Variants in IL16 observed in about 807,000 individuals in gnomAD.
IL16 encodes the protein interleukin 16.
Under a neutral mutation model 110.1 loss-of-function variants are expected in IL16, and 67 were observed. The observed-to-expected ratio is 0.61, with a 90% CI of 0.50 to 0.75. The LOEUF (loss-of-function observed/expected upper bound fraction) is 0.75, where lower values mean the gene tolerates loss of function less well. Ranked by LOEUF, IL16 falls within the 30% of genes least tolerant of loss-of-function variation. The pLI is 0.00. For missense variants in IL16, 1,545 were observed against 1,655.0 expected (o/e 0.93, Z 1.15); for synonymous variants, 689 against 662.9 (o/e 1.04, Z -0.61).
rs1315020562 is a variant in IL16 at position 81,299,413 on chromosome 15, T to C, written c.2087T>C (p.Leu696Pro). The change falls in exon 14 of 19, where the codon CTT becomes CCT. Residue 696 changes from leucine to proline, a missense_variant. By Grantham distance (98) the Leu-to-Pro change is moderately conservative (BLOSUM62 -3). Coordinates refer to ENST00000683961, the MANE Select transcript of IL16 (RefSeq NM_172217.5). ...ACATCCCCGATAAAACACCCACTGC[T>C]TAAGAGGCAGGCTCGGATGGACTAT... Reference protein sequence around the residue: ...TQTSPIKHPLLKRQARMDYSF... With the variant: ...TQTSPIKHPLPKRQARMDYSF... 1.2e-6 allele frequency: 2 copies of C among 1,614,000 alleles called. No homozygotes were observed. The highest frequency in any genetic ancestry group is 1.1e-5 in the South Asian group (1 of 91,088).
intron 14 of IL16, among the ~76,000 whole-genome samples, chr15:81,300,924 G>A (rs3858948): frequency 0.22 from 33,661 of 152,118 alleles, 3,799 homozygotes; most frequent in East Asian, 0.27. Flanking sequence ...CAACTCCCTC[G>A]TCAGGGAGTT....
intron 9 of IL16, among the ~76,000 whole-genome samples, chr15:81,283,075 C>G (rs571270350): frequency 6.6e-6 from 1 of 152,172 alleles, no homozygotes; most frequent in Admixed American, 6.5e-5. Flanking sequence ...CTAGCAGGAG[C>G]GGGGTGGACA....
In IL16 at chr15:81,310,743, A is replaced by G. The variant is rs886585015; in HGVS notation, c.*1945A>G. 2 of 152,210 alleles carry G rather than the reference A, an allele frequency of 1.3e-5. No homozygotes were observed. Among genetic ancestry groups the G allele is most frequent in the Non-Finnish European group, 2.9e-5 (2 of 68,090 alleles). The allele number at this position is 152,210 out of a possible 1,614,324, so 9.4% of individuals were successfully genotyped here. ...AGTCTTATCAAGCAGCCAAGGGATG[A>G]AAGAGAAGGTGGGTTTTCATCAAGA... On this transcript the variant is annotated 3_prime_UTR_variant, in exon 19 of 19. Transcript: ENST00000683961.
chr15:81,289,889 G>T (rs1596038370), intron 10 of IL16: 1 of 452,140 alleles, frequency 2.2e-6, no homozygotes, highest in Non-Finnish European at 4.4e-6. Context: ...TTTTATTATT[G>T]TTATTATTTT....
chr15:81,269,207 C>T (rs943667313), intron 4 of IL16, among the ~76,000 whole-genome samples: 2 of 152,274 alleles, frequency 1.3e-5, no homozygotes, highest in Non-Finnish European at 2.9e-5. Flanking sequence ...TTCCCAAATT[C>T]TGCCTGAGAC....
intron 2 of IL16, among the ~76,000 whole-genome samples, chr15:81,233,443 C>G (rs906378064): frequency 2.9e-4 from 43 of 146,180 alleles, no homozygotes; most frequent in African/African-American, 1.1e-3. Context: ...AATATTGATA[C>G]ATATGTCTTC....
chr15:81,291,840 G>A (rs1216742833), intron 11 of IL16: 1 of 449,270 alleles, frequency 2.2e-6, no homozygotes, highest in East Asian at 7.0e-5. Context: ...GATTCAAAGT[G>A]CCTTGACAGG....
chr15:81,293,563 T>G (rs1276335786), intron 12 of IL16, among the ~76,000 whole-genome samples: 2 of 152,108 alleles, frequency 1.3e-5, no homozygotes, highest in Non-Finnish European at 2.9e-5. Context: ...TAGCCGGGTA[T>G]GGTGGCAGGT....
intron 2 of IL16, among the ~76,000 whole-genome samples, chr15:81,243,866 C>T (rs1473353028): frequency 6.6e-6 from 1 of 151,960 alleles, no homozygotes; most frequent in Non-Finnish European, 1.5e-5. Flanking sequence ...CATTATTATC[C>T]TTCAGAAGTC....
chr15:81,262,263 CTTTTA>C (rs899435660), intron 3 of IL16, among the ~76,000 whole-genome samples: 5 of 151,980 alleles, frequency 3.3e-5, no homozygotes, highest in African/African-American at 9.7e-5. Flanking sequence ...CAGTTCGTTG[CTTTTA>C]TTTTAATTTT....
chr15:81,306,745 T>C (rs1900589009), intron 18 of IL16, 200 bp downstream of exon 18: 4 of 659,884 alleles, frequency 6.1e-6, no homozygotes, highest in East Asian at 6.0e-5. Flanking sequence ...CAATCCCCCC[T>C]CTGTTTTGAT....
intron 13 of IL16, 118 bp from the exon 14 acceptor site, chr15:81,299,262 C>A: frequency 3.2e-6 from 5 of 1,572,880 alleles, no homozygotes; most frequent in Non-Finnish European, 4.3e-6. Flanking sequence ...GTGTCCCCCA[C>A]TTCTGCTAAT....
At chr15:81,298,069 G>C (rs1900080704) in intron 13 of IL16, among the ~76,000 whole-genome samples, 1 of 152,170 alleles carries the variant, frequency 6.6e-6, no homozygotes, top group African/African-American at 2.4e-5. Flanking sequence ...TAACTGACAG[G>C]AGGTTGTCAC....
intron 2 of IL16, among the ~76,000 whole-genome samples, chr15:81,241,775 T>C (rs189854377): frequency 1.3e-5 from 2 of 152,228 alleles, no homozygotes; most frequent in Non-Finnish European, 1.5e-5. Context: ...GCAGCCAGTA[T>C]ATAGAATATT....
At chr15:81,294,115 G>A (rs190858308) in intron 12 of IL16, among the ~76,000 whole-genome samples, 2 of 152,338 alleles carry the variant, frequency 1.3e-5, no homozygotes, top group East Asian at 3.9e-4. Flanking sequence ...CTACAGTGAG[G>A]GTTGGCAAGC....
chr15:81,245,463 G>A (rs1352083853), intron 2 of IL16, among the ~76,000 whole-genome samples: 1 of 149,268 alleles, frequency 6.7e-6, no homozygotes, highest in Non-Finnish European at 1.5e-5. Context: ...CACTAAGGCT[G>A]TGGGTGAAAA....
chr15:81,299,333 C>A, intron 13 of IL16, 47 bp from the exon 14 acceptor site: 2 of 1,603,508 alleles, frequency 1.2e-6, no homozygotes, highest in South Asian at 1.1e-5. Flanking sequence ...GAAGAAAAGT[C>A]ACTGTATGAT....
intron 1 of IL16, among the ~76,000 whole-genome samples, chr15:81,207,843 G>GTTT (rs59889952): frequency 2.1e-5 from 3 of 143,346 alleles, no homozygotes; most frequent in African/African-American, 7.6e-5. Flanking sequence ...GTGCATGTGG[G>GTTT]TTTTTTTTTT....
At chr15:81,264,337 C>A (rs1012007797) in intron 3 of IL16, among the ~76,000 whole-genome samples, 3 of 152,180 alleles carry the variant, frequency 2.0e-5, no homozygotes, top group African/African-American at 7.2e-5. Context: ...CTCTCTGGGC[C>A]CCGATGGACC....
Sources: allele counts gnomAD v4.1 joint callset (sites outside exome capture counted in the v4.1 genomes callset), GRCh38; gene constraint gnomAD v4.1.1; transcripts MANE v1.5; gene names NCBI Gene and HGNC (gene_info 2026-07-23, HGNC 2026-07-21).